IGF1R: variants seen among roughly 807,000 people sequenced by gnomAD.
IGF1R encodes insulin-like growth factor 1 receptor.
In IGF1R, 44 loss-of-function variants were observed where a neutral mutation model predicts 144.6. The ratio of observed to expected loss-of-function variants is 0.30; its 90% CI spans 0.24 to 0.39. The LOEUF (loss-of-function observed/expected upper bound fraction) is 0.39. Among genes scored for constraint, IGF1R ranks in the 10% least tolerant of loss-of-function variants. IGF1R has a pLI of 1.00. For synonymous variants in IGF1R, 795 were observed against 722.8 expected (o/e 1.10, Z -1.60); for missense variants, 1,355 against 1,833.7 (o/e 0.74, Z 4.77).
At chr15:98,952,373 G>A (rs538675947) in intron 20 of IGF1R, among the ~76,000 whole-genome samples, 5 of 151,208 alleles carry the variant, frequency 3.3e-5, no homozygotes, top group Non-Finnish European at 7.4e-5. Context: ...TTTGAGCAGC[G>A]CAGCCACTGT....
intron 1 of IGF1R, among the ~76,000 whole-genome samples, chr15:98,680,635 G>C (rs2053163828): frequency 6.6e-6 from 1 of 152,126 alleles, no homozygotes; most frequent in Admixed American, 6.5e-5. Context: ...CGTGATTATA[G>C]CTCATTGCAG....
chr15:98,694,017 C>G (rs2053541001), intron 1 of IGF1R, among the ~76,000 whole-genome samples: 1 of 152,228 alleles, frequency 6.6e-6, no homozygotes, highest in Non-Finnish European at 1.5e-5. Context: ...TGTCAGCATG[C>G]TGCTTGGCAG....
Position 98,891,893 on chromosome 15 carries a change from T to G in IGF1R, c.953+256T>G, listed in dbSNP as rs2013942360. Among the ~76,000 whole-genome samples, 1 of 152,202 alleles carries G rather than the reference T, an allele frequency of 6.6e-6. No individual in the cohort carries two copies. Among genetic ancestry groups the G allele is most frequent in the Admixed American group, 6.5e-5 (1 of 15,284 alleles). The stretch of plus-strand genomic sequence containing the variant: ...TGCCTGGCCATTTGAAATTAAGTAC[T>G]TGCTTGCTGGTTTCGATACCCAGAG... On this transcript the variant is annotated intron_variant, in intron 3 of 20. Transcript: ENST00000650285. This position sits in a 1 kb window ranked among gnomAD's most constrained non-coding sequence, Gnocchi z 4.7.
At chr15:98,952,463 G>A (rs1309296146) in intron 20 of IGF1R, among the ~76,000 whole-genome samples, 3 of 152,190 alleles carry the variant, frequency 2.0e-5, no homozygotes, top group Non-Finnish European at 4.4e-5. Context: ...GATGACCACT[G>A]AATCTGCATA....
intron 2 of IGF1R, among the ~76,000 whole-genome samples, chr15:98,878,693 A>AAAAAAC (rs1567174382): frequency 1.7e-4 from 22 of 126,134 alleles, no homozygotes; most frequent in African/African-American, 7.9e-4. Context: ...AAAAAAAAAA[A>AAAAAAC]AACAACAACA....
At chr15:98,911,732 G>GT (rs1357827429) in intron 7 of IGF1R, among the ~76,000 whole-genome samples, 3 of 152,186 alleles carry the variant, frequency 2.0e-5, no homozygotes, top group Non-Finnish European at 4.4e-5. Context: ...GGGAAAGCTT[G>GT]CTTTTTCCAG....
chr15:98,665,423 A>G lies in IGF1R; in HGVS notation c.94+15748A>G, dbSNP rs151136064. On this transcript the variant is annotated intron_variant, in intron 1 of 20. Transcript: ENST00000650285. ...TGGATTCCAAGGCCCTTTTGAGGCC[A>G]TGGTGATGGATCATTTGCGTTATCA... is the stretch of plus-strand genomic sequence containing the variant. Among the ~76,000 whole-genome samples the G allele has an allele frequency of 9.2e-5, 14 of 152,162 alleles. No individual in the cohort carries two copies. In the East Asian group the frequency reaches 2.1e-3, roughly 23 times the overall value.
chr15:98,945,701 C>T (rs2016524292), intron 19 of IGF1R, among the ~76,000 whole-genome samples: 2 of 152,236 alleles, frequency 1.3e-5, no homozygotes, highest in South Asian at 4.2e-4. Context: ...AAGGCAAGGT[C>T]TGTCTCGAGA....
At chr15:98,948,130 C>T (rs2016626217) in intron 19 of IGF1R, among the ~76,000 whole-genome samples, 1 of 152,170 alleles carries the variant, frequency 6.6e-6, no homozygotes, top group African/African-American at 2.4e-5. Context: ...GCTTGACTGT[C>T]CCAGGCCTCA....
chr15:98,746,280 C>T (rs1425868855), intron 2 of IGF1R, among the ~76,000 whole-genome samples: 16 of 152,164 alleles, frequency 1.1e-4, no homozygotes, highest in Admixed American at 1.0e-3. Flanking sequence ...AGTGACACAC[C>T]TCAGTGTACA....
At position 98,673,240 on chromosome 15, in the gene IGF1R, C is replaced by T. The variant is rs544525182; in HGVS notation, c.94+23565C>T. Among the ~76,000 whole-genome samples the T allele has an allele frequency of 2.0e-5, 3 of 152,274 alleles. No individual in the cohort carries two copies. In the South Asian group the frequency reaches 6.2e-4, roughly 32 times the overall value. On this transcript the variant is annotated intron_variant, in intron 1 of 20. Coordinates refer to ENST00000650285, the MANE Select transcript of IGF1R (RefSeq NM_000875.5). ...GTAGCTGATTGATGTACTGGCATGT[C>T]AGTGACATTGTGTGTATCATTACAC...
At chr15:98,853,337 A>T (rs774544854) in intron 2 of IGF1R, among the ~76,000 whole-genome samples, 7 of 152,158 alleles carry the variant, frequency 4.6e-5, no homozygotes, top group Non-Finnish European at 8.8e-5. Context: ...CGTAGTGGAC[A>T]TGAATTATTT....
chr15:98,667,619 G>A (rs373695457), intron 1 of IGF1R, among the ~76,000 whole-genome samples: 18 of 152,040 alleles, frequency 1.2e-4, no homozygotes, highest in East Asian at 7.8e-4. Context: ...TTAACCAGGC[G>A]CCAGGGCTCA....
intron 19 of IGF1R, among the ~76,000 whole-genome samples, chr15:98,943,632 A>G (rs953255602): frequency 6.6e-6 from 1 of 152,274 alleles, no homozygotes; most frequent in Non-Finnish European, 1.5e-5. Context: ...CCGAGGGATC[A>G]GAGGCCTCTC....
At chr15:98,772,340 G>C (rs544742935) in intron 2 of IGF1R, among the ~76,000 whole-genome samples, 73 of 151,918 alleles carry the variant, frequency 4.8e-4, no homozygotes, top group African/African-American at 1.6e-3. Context: ...TTGATATACT[G>C]TTGTTTTCAA....
chr15:98,806,002 A>G (rs1009512792), intron 2 of IGF1R, among the ~76,000 whole-genome samples: 1 of 152,128 alleles, frequency 6.6e-6, no homozygotes, highest in Non-Finnish European at 1.5e-5. Flanking sequence ...TGGGGTGCCC[A>G]CACTTCTGTC....
rs547827392 is a variant in IGF1R, at chr15:98,746,591, G to C, written c.640+38484G>C. On this transcript the variant is annotated intron_variant, in intron 2 of 20. Coordinates refer to ENST00000650285, the MANE Select transcript of IGF1R (RefSeq NM_000875.5). ...AGTGCTTCTAAAATCATCTACACCA[G>C]TGGAGGCAAAACTAGATATTTTCTT... Among the ~76,000 whole-genome samples the C allele has an allele frequency of 6.4e-4, 97 of 152,306 alleles. 5 individuals are homozygous for C. The South Asian group carries it at 0.018, about 29-fold the overall frequency.
chr15:98,802,210 T>C lies in IGF1R; in HGVS notation c.641-89115T>C, dbSNP rs558060423. Among the ~76,000 whole-genome samples, 10 of 152,374 alleles carry C rather than the reference T, an allele frequency of 6.6e-5. No homozygotes were observed. In the South Asian group the frequency reaches 2.1e-3, roughly 32 times the overall value. On this transcript the variant is annotated intron_variant, in intron 2 of 20. Coordinates refer to ENST00000650285, the MANE Select transcript of IGF1R (RefSeq NM_000875.5). ...GGGAATGAGTTGAGGATTCGATCACTGTTTATAGCCAGTCTCGGATCCTGA... is the reference window on the plus strand; with the variant it reads ...GGGAATGAGTTGAGGATTCGATCACCGTTTATAGCCAGTCTCGGATCCTGA...
In IGF1R at chr15:98,751,243, C is replaced by T. The variant is rs79380762; in HGVS notation, c.640+43136C>T. ...AGAGCTGTGTTCTTGCTCTGTCACCCAGGCTGGGGTGCAGTGGTACCATCG... is the reference window on the plus strand; with the variant it reads ...AGAGCTGTGTTCTTGCTCTGTCACCTAGGCTGGGGTGCAGTGGTACCATCG... On this transcript the variant is annotated intron_variant, in intron 2 of 20. Coordinates refer to ENST00000650285, the MANE Select transcript of IGF1R (RefSeq NM_000875.5). Among the ~76,000 whole-genome samples the T allele has an allele frequency of 5.9e-3, 902 of 152,294 alleles. 8 individuals are homozygous for T. Among genetic ancestry groups the T allele is most frequent in the African/African-American group, 0.02 (837 of 41,550 alleles).
Sources: allele counts gnomAD v4.1 joint callset (sites outside exome capture counted in the v4.1 genomes callset), GRCh38; gene constraint gnomAD v4.1.1; non-coding constraint Gnocchi (gnomAD v3.1); transcripts MANE v1.5; gene names NCBI Gene and HGNC (gene_info 2026-07-23, HGNC 2026-07-21).